NUP88: variants seen among roughly 807,000 people sequenced by gnomAD.
NUP88 encodes nuclear pore complex protein Nup88.
In NUP88, 57 loss-of-function variants were observed where a neutral mutation model predicts 93.9. The ratio of observed to expected loss-of-function variants is 0.61; its 90% confidence interval spans 0.49 to 0.76. NUP88 has a LOEUF of 0.76. Among genes scored for constraint, NUP88 ranks in the 30% least tolerant of loss-of-function variants. NUP88 has a pLI of 0.00. For synonymous variants in NUP88, 346 were observed against 336.8 expected (o/e 1.03, Z -0.30); for missense variants, 911 against 901.0 (o/e 1.01, Z -0.14).
At chr17:5,402,239 G>A (rs953042544) in intron 7 of NUP88, among the ~76,000 whole-genome samples, 3 of 152,034 alleles carry the variant, frequency 2.0e-5, no homozygotes, top group Admixed American at 6.6e-5. Flanking sequence ...CCCAGGGGGC[G>A]GAGGTTGAAG....
Position 5,405,132 on chromosome 17 carries a change from G to C in NUP88, c.969C>G (p.Ile323Met), listed in dbSNP as rs1913421364. 1 of 1,614,178 alleles carries C rather than the reference G, an allele frequency of 6.2e-7. No individual in the cohort carries two copies. The highest frequency in any genetic ancestry group is 1.3e-5 in the African/African-American group (1 of 75,050). ...TTCCTGATTCAGTAGCGATCACTAA[G>C]ATATTGGGGACACAGGGTAAGCAGA... ...AVLCLPCVPN[I>M]LVIATESGML... The change falls in exon 6 of 17, where the codon ATC (isoleucine) becomes ATG (methionine). Residue 323 changes from isoleucine (I) to methionine (M), a missense_variant. By Grantham distance (10) the Ile-to-Met change is conservative (BLOSUM62 1). Transcript: ENST00000573584.
At chr17:5,389,816 A>G (rs530017050) in intron 10 of NUP88, among the ~76,000 whole-genome samples, 1 of 150,012 alleles carries the variant, frequency 6.7e-6, no homozygotes, top group Non-Finnish European at 1.5e-5. Context: ...ATGAAATAGC[A>G]TAACTTTATA....
chr17:5,385,308 C>A lies in NUP88; in HGVS notation c.*898G>T, dbSNP rs1415895026. On this transcript the variant is annotated 3_prime_UTR_variant, in exon 17 of 17. Transcript: ENST00000573584. ...GAAGGCAGGATTTAGCCCTTCTAGG[C>A]AAAAGAAAAGCTCAGTTGGGTTTCA... is the stretch of plus-strand genomic sequence containing the variant. 1 of 230,924 alleles carries A rather than the reference C, an allele frequency of 4.3e-6. No homozygotes were observed. Among genetic ancestry groups the A allele is most frequent in the Admixed American group, 5.7e-5 (1 of 17,688 alleles). The allele number at this position is 230,924 out of a possible 1,614,324, so 14.3% of individuals were successfully genotyped here.
Position 5,405,207 on chromosome 17 carries a change from G to A in NUP88, c.894C>T (p.Pro298=). 6.2e-7 allele frequency: 1 copy of A among 1,614,000 alleles called. No individual in the cohort carries two copies. The highest frequency in any genetic ancestry group is 8.5e-7 in the Non-Finnish European group (1 of 1,179,934). ...AGTTATCTTCAGCCGCAGGATGCAT[G>A]GGCAATGGACCCAACAGCTTTCCAA... ...GNIGKLLGPL[P]MHPAAEDNYG... Residue 298 remains proline, a synonymous_variant, in exon 6 of 17, where the codon CCC becomes CCT. Transcript: ENST00000573584.
chr17:5,406,707 C>T (rs1204882988), intron 5 of NUP88, among the ~76,000 whole-genome samples: 1 of 151,848 alleles, frequency 6.6e-6, no homozygotes, highest in Non-Finnish European at 1.5e-5. Context: ...CTGGGCCACA[C>T]TGGAACAATT....
Position 5,405,086 on chromosome 17 carries a change from G to T in NUP88, c.1015C>A (p.Leu339Ile), listed in dbSNP as rs757362663. The change falls in exon 6 of 17, where the codon CTA becomes ATA. Residue 339 changes from leucine (L) to isoleucine (I), a missense_variant. Physicochemically the swap from Leu to Ile is conservative, Grantham distance 5 (BLOSUM62 2). Coordinates refer to ENST00000573584, the MANE Select transcript of NUP88 (RefSeq NM_002532.6). ...ESGMLYHCVV[L>I]EGEEEDDHTS... ...TGGTCATCTTCTTCTTCCCCTTCTA[G>T]CACGACACAGTGATACAGCATTCCT... is the stretch of plus-strand genomic sequence containing the variant. The T allele has an allele frequency of 6.2e-7, 1 of 1,613,968 alleles. No homozygotes were observed. The highest frequency in any genetic ancestry group is 8.5e-7 in the Non-Finnish European group (1 of 1,179,968).
At chr17:5,413,130 A>C (rs1275338001) in intron 3 of NUP88, among the ~76,000 whole-genome samples, 1 of 152,150 alleles carries the variant, frequency 6.6e-6, no homozygotes, top group East Asian at 1.9e-4. Context: ...GGCACATGCC[A>C]TTATGCCCAG....
At chr17:5,405,664 C>T (rs1199210504) in intron 5 of NUP88, among the ~76,000 whole-genome samples, 1 of 152,214 alleles carries the variant, frequency 6.6e-6, no homozygotes, top group Non-Finnish European at 1.5e-5. Flanking sequence ...GCTTTCACCA[C>T]TCCACTGAAG....
intron 3 of NUP88, among the ~76,000 whole-genome samples, chr17:5,413,199 G>A (rs1279362742): frequency 6.6e-6 from 1 of 152,158 alleles, no homozygotes; most frequent in Non-Finnish European, 1.5e-5. Flanking sequence ...CTCGAACTCA[G>A]GGGCTCAAAT....
Position 5,404,256 on chromosome 17 carries a change from A to T in NUP88, c.1045-10T>A, listed in dbSNP as rs981009608. 4.3e-6 allele frequency: 7 copies of T among 1,609,382 alleles called. No individual in the cohort carries two copies. The highest frequency in any genetic ancestry group is 4.5e-5 in the East Asian group (2 of 44,864). The stretch of plus-strand genomic sequence containing the variant: ...CCCAGGACTTTTCTGACTGTAAAAA[A>T]AAGTGTTGTAATTTTGATCTTGCAT... On this transcript the variant is annotated splice_polypyrimidine_tract_variant and intron_variant, in intron 6 of 16. Transcript: ENST00000573584.
rs1913433599 is a variant in NUP88 at position 5,405,313 on chromosome 17, T to G, written c.858-70A>C. ...CATGCTCATCCCATAAAACCATTCT[T>G]TGACTTTGTTTTCCTCCAGCTATCA... On this transcript the variant is annotated intron_variant, in intron 5 of 16. Coordinates refer to ENST00000573584, the MANE Select transcript of NUP88 (RefSeq NM_002532.6). The G allele has an allele frequency of 2.3e-6, 3 of 1,331,508 alleles. No homozygotes were observed. The South Asian group carries it at 4.1e-5, about 18-fold the overall frequency. The allele number at this position is 1,331,508 out of a possible 1,614,324, so 82.5% of individuals were successfully genotyped here.
At chr17:5,404,060 A>G in intron 7 of NUP88, 39 bp downstream of exon 7, 1 of 1,596,500 alleles carries the variant, frequency 6.3e-7, no homozygotes, top group Non-Finnish European at 8.6e-7. Context: ...TAGTATAAAA[A>G]TCATGGGAAA....
intron 14 of NUP88, 100 bp downstream of exon 14, chr17:5,387,286 G>A: frequency 7.9e-7 from 1 of 1,260,140 alleles, no homozygotes; most frequent in South Asian, 1.3e-5. Context: ...AGGGGGATCA[G>A]TTCAGTTCCG....
At chr17:5,402,810 C>T (rs977947028) in intron 7 of NUP88, among the ~76,000 whole-genome samples, 1 of 152,048 alleles carries the variant, frequency 6.6e-6, no homozygotes, top group Non-Finnish European at 1.5e-5. Context: ...TCAGCTTGGA[C>T]GACATGGCAA....
At chr17:5,410,467 G>A (rs931054570) in intron 4 of NUP88, among the ~76,000 whole-genome samples, 1 of 110,110 alleles carries the variant, frequency 9.1e-6, no homozygotes, top group Admixed American at 8.5e-5. Context: ...TGGTGGCTCA[G>A]GCCTGTAATT....
At chr17:5,414,349 C>T (rs62072673) in intron 2 of NUP88, among the ~76,000 whole-genome samples, 66,254 of 151,740 alleles carry the variant, frequency 0.44, 15,224 homozygotes, top group East Asian at 0.84. Context: ...GCACCTGCCA[C>T]CTCGCCCAGC....
chr17:5,415,728 T>C (rs1914095847), intron 2 of NUP88, among the ~76,000 whole-genome samples: 2 of 152,208 alleles, frequency 1.3e-5, no homozygotes. Flanking sequence ...TTGTCAGCAA[T>C]AAATCCATTT....
In NUP88 at chr17:5,414,047, A is replaced by G; in HGVS notation, c.555T>C (p.Asp185=). 1.2e-6 allele frequency: 2 copies of G among 1,614,022 alleles called. No homozygotes were observed. Among genetic ancestry groups the G allele is most frequent in the Admixed American group, 1.7e-5 (1 of 60,024 alleles). Reference sequence around the variant, plus strand: ...CTGATGTTAACAGCACTACGTGGGGATCCAGGATTTCACTTGGATACCATG... The same window carrying G: ...CTGATGTTAACAGCACTACGTGGGGGTCCAGGATTTCACTTGGATACCATG... ...HAAWYPSEIL[D]PHVVLLTSDN... is the part of the protein sequence containing the mutation. The change falls in exon 3 of 17, where the codon GAT becomes GAC. Residue 185 remains aspartate (D), a synonymous_variant. Transcript: ENST00000573584.
intron 5 of NUP88, among the ~76,000 whole-genome samples, chr17:5,405,972 T>A (rs1913465790): frequency 6.6e-6 from 1 of 152,254 alleles, no homozygotes; most frequent in African/African-American, 2.4e-5. Flanking sequence ...ATTCAAAGAC[T>A]ACCAAATCCT....
Sources: allele counts gnomAD v4.1 joint callset (sites outside exome capture counted in the v4.1 genomes callset), GRCh38; gene constraint gnomAD v4.1.1; transcripts MANE v1.5; gene names NCBI Gene and HGNC (gene_info 2026-07-23, HGNC 2026-07-21).